The following SARNP variants were observed in gnomAD, a reference collection of about 807,000 sequenced individuals.
SARNP encodes the protein SAP domain-containing ribonucleoprotein.
Under a neutral mutation model 38.1 loss-of-function variants are expected in SARNP, and 5 were observed. The ratio of observed to expected loss-of-function variants is 0.13; its 90% confidence interval spans 0.07 to 0.28. The LOEUF is 0.28. Ranked by LOEUF, SARNP falls within the 10% of genes least tolerant of loss-of-function variation. SARNP has a pLI of 1.00. For synonymous variants in SARNP, 84 were observed against 80.6 expected, an observed-to-expected ratio of 1.04 and a Z score of -0.23; for missense variants, 180 against 243.9, an observed-to-expected ratio of 0.74 and a Z score of 1.75.
At chr12:55,815,121 T>A (rs149030163) in intron 1 of SARNP, among the ~76,000 whole-genome samples, 9 of 152,220 alleles carry the variant, frequency 5.9e-5, no homozygotes, top group African/African-American at 2.2e-4. Context: ...GGAGCAATTA[T>A]CACACAGCTG....
rs773047347 is a variant in SARNP at position 55,790,535 on chromosome 12, G to C, written c.432+32C>G. On this transcript the variant is annotated intron_variant, in intron 8 of 10. Transcript: ENST00000336133. ...AGTTAGCTATATAGAATTAAGATCT[G>C]GGTGTGTAAGAAATAAAAAAAGATT... 3 of 1,554,990 alleles carry C rather than the reference G, an allele frequency of 1.9e-6. No homozygotes were observed. In the African/African-American group the frequency reaches 4.2e-5, roughly 22 times the overall value.
chr12:55,772,437 C>A (rs1879034487), intron 9 of SARNP, among the ~76,000 whole-genome samples: 1 of 152,160 alleles, frequency 6.6e-6, no homozygotes, highest in Non-Finnish European at 1.5e-5. Context: ...TAGGTTCTAC[C>A]ACTTTTTCTT....
chr12:55,803,949 T>C (rs1880060300), intron 1 of SARNP, among the ~76,000 whole-genome samples: 1 of 152,174 alleles, frequency 6.6e-6, no homozygotes, highest in Non-Finnish European at 1.5e-5. Flanking sequence ...AGAATAAACA[T>C]CACACTTTAA....
At chr12:55,755,389 G>A (rs1006309418), downstream of SARNP, 2 of 152,128 alleles carry the variant, frequency 1.3e-5, no homozygotes, top group African/African-American at 4.8e-5. Context: ...CCATAAAAAA[G>A]TACAGATTTA....
At chr12:55,805,932 G>A (rs1045317264) in intron 1 of SARNP, among the ~76,000 whole-genome samples, 1 of 151,960 alleles carries the variant, frequency 6.6e-6, no homozygotes, top group African/African-American at 2.4e-5. Flanking sequence ...AGCTATTGAG[G>A]AGGCTGAGGC....
intron 4 of SARNP, among the ~76,000 whole-genome samples, chr12:55,797,126 T>G (rs1397953927): frequency 6.6e-6 from 1 of 152,202 alleles, no homozygotes; most frequent in Non-Finnish European, 1.5e-5. Flanking sequence ...GCAGCTTTTG[T>G]TCCAATATCC....
intron 1 of SARNP, among the ~76,000 whole-genome samples, chr12:55,810,993 C>G (rs920199430): frequency 2.0e-5 from 3 of 151,786 alleles, no homozygotes; most frequent in African/African-American, 7.3e-5. Flanking sequence ...AGGAGAAGGG[C>G]TTGAGCCCGG....
chr12:55,795,554 G>C (rs1279299279), intron 5 of SARNP, among the ~76,000 whole-genome samples: 1 of 152,124 alleles, frequency 6.6e-6, no homozygotes, highest in Non-Finnish European at 1.5e-5. Context: ...TTAGAAATGA[G>C]GCAGCATTGT....
intron 2 of SARNP, among the ~76,000 whole-genome samples, chr12:55,801,845 G>A (rs867535163): frequency 6.6e-5 from 10 of 151,944 alleles, no homozygotes; most frequent in African/African-American, 1.7e-4. Flanking sequence ...CTCAAACTCC[G>A]GGCCTCAAGA....
At chr12:55,762,554 G>A (rs960427758) in intron 9 of SARNP, 2 of 152,166 alleles carry the variant, frequency 1.3e-5, no homozygotes, top group African/African-American at 4.8e-5. Context: ...TTACAGGTGT[G>A]AGCCACTGCG....
rs555887678 is a variant in SARNP, at chr12:55,803,408, C to A, written c.136+221G>T. On this transcript the variant is annotated intron_variant, in intron 2 of 10. Coordinates refer to ENST00000336133, the MANE Select transcript of SARNP (RefSeq NM_033082.4). ...CTGAGACAGGAGAATTGGTTGAAGCCGGGAGACAGAGGTTGCAATGAGCTG... is the reference window on the plus strand; with the variant it reads ...CTGAGACAGGAGAATTGGTTGAAGCAGGGAGACAGAGGTTGCAATGAGCTG... Among the ~76,000 whole-genome samples the A allele has an allele frequency of 2.6e-5, 4 of 151,386 alleles. No homozygotes were observed. The South Asian group carries it at 8.4e-4, about 32-fold the overall frequency.
intron 9 of SARNP, among the ~76,000 whole-genome samples, chr12:55,782,396 T>C (rs1565675793): frequency 6.6e-6 from 1 of 152,220 alleles, no homozygotes; most frequent in Non-Finnish European, 1.5e-5. Context: ...TGTCCTAAAG[T>C]ATGAAGTTTC....
intron 4 of SARNP, among the ~76,000 whole-genome samples, chr12:55,797,114 G>A (rs555333157): frequency 2.6e-5 from 4 of 152,182 alleles, no homozygotes; most frequent in African/African-American, 9.7e-5. Flanking sequence ...TTAGAGACAT[G>A]GGCAGCTTTT....
chr12:55,753,570 G>A (rs1878402901), downstream of SARNP: 1 of 152,020 alleles, frequency 6.6e-6, no homozygotes, highest in African/African-American at 2.4e-5. Context: ...CGGAGTTCGA[G>A]ACCATGCTGG....
chr12:55,761,472 A>G (rs1878674189), intron 9 of SARNP: 1 of 152,220 alleles, frequency 6.6e-6, no homozygotes, highest in South Asian at 2.1e-4. Flanking sequence ...ATGATTCTTA[A>G]AACAGGTGAA....
chr12:55,796,760 C>T (rs1879832537), intron 4 of SARNP, among the ~76,000 whole-genome samples: 1 of 152,094 alleles, frequency 6.6e-6, no homozygotes, highest in African/African-American at 2.4e-5. Flanking sequence ...GTACCACCTC[C>T]CAATGTTCAT....
At chr12:55,767,396 A>C (rs551692672) in intron 9 of SARNP, among the ~76,000 whole-genome samples, 1 of 151,830 alleles carries the variant, frequency 6.6e-6, no homozygotes, top group African/African-American at 2.4e-5. Flanking sequence ...AAAAAAAAAA[A>C]AATTTAGCTG....
chr12:55,766,471 T>C, intron 9 of SARNP, among the ~76,000 whole-genome samples: 1 of 152,176 alleles, frequency 6.6e-6, no homozygotes, highest in Non-Finnish European at 1.5e-5. Flanking sequence ...TTTCAGTATA[T>C]ACAAACCTCA....
intron 7 of SARNP, 123 bp from the exon 8 acceptor site, chr12:55,790,715 T>G: frequency 1.0e-6 from 1 of 968,190 alleles, no homozygotes; most frequent in South Asian, 2.1e-5. Context: ...AAGGCAGAAA[T>G]TGCATGTAGC....
Sources: gnomAD v4.1 joint callset for allele counts (sites outside exome capture counted in the v4.1 genomes callset) on GRCh38, gnomAD v4.1.1 for gene constraint, MANE v1.5 for transcripts, NCBI Gene and HGNC (gene_info 2026-07-23, HGNC 2026-07-21) for gene names.